The following TENM3 variants were observed in gnomAD, a reference collection of about 807,000 sequenced individuals.
The protein encoded by TENM3 is teneurin transmembrane protein 3, also known as teneurin-3.
In TENM3, 63 loss-of-function variants were observed where a neutral mutation model predicts 255.1. That is an observed-to-expected ratio of 0.25 (90% confidence interval 0.20 to 0.30). The LOEUF is 0.30. TENM3 is among the 10% of genes least tolerant of loss of function. TENM3 has a pLI of 1.00. For missense variants in TENM3, 2,929 were observed against 3,461.1 expected (o/e 0.85, Z 3.86); for synonymous variants, 1,306 against 1,322.3 (o/e 0.99, Z 0.27).
chr4:182,093,682 G>A, the TENM3 span, among the ~76,000 whole-genome samples: 7 of 152,086 alleles, frequency 4.6e-5, no homozygotes, highest in Non-Finnish European at 1.0e-4. Context: ...AGTACCAGGT[G>A]AGTGCAAGAG....
chr4:181,493,970 A>T, the TENM3 span, among the ~76,000 whole-genome samples: 309 of 152,262 alleles, frequency 2.0e-3, no homozygotes, highest in African/African-American at 6.8e-3. Flanking sequence ...GCAGTATCAT[A>T]TAGGGCTAGG....
intron 3 of TENM3, among the ~76,000 whole-genome samples, chr4:182,361,125 C>T (rs1356309408): frequency 6.6e-6 from 1 of 152,092 alleles, no homozygotes; most frequent in Non-Finnish European, 1.5e-5. Flanking sequence ...TTGTGGGTAA[C>T]CCGACCTTTC....
the TENM3 span, among the ~76,000 whole-genome samples, chr4:181,608,660 A>G: frequency 2.6e-5 from 4 of 151,920 alleles, 1 homozygote; most frequent in South Asian, 4.2e-4. Context: ...GTAAATTAGC[A>G]GCATACAGAC....
At chr4:182,736,761 C>A (rs187739210) in intron 16 of TENM3, 47 bp from the exon 17 acceptor site, 1 of 1,537,516 alleles carries the variant, frequency 6.5e-7, no homozygotes, top group East Asian at 2.3e-5. Flanking sequence ...TTTATCTAAT[C>A]GTCATACGTG....
the TENM3 span, among the ~76,000 whole-genome samples, chr4:181,997,309 G>C: frequency 6.6e-6 from 1 of 152,118 alleles, no homozygotes; most frequent in Non-Finnish European, 1.5e-5. Flanking sequence ...TAAGCCTGAG[G>C]CTGCCTGCGC....
Position 182,720,462 on chromosome 4 carries a change from G to T in TENM3, c.2368+6229G>T, listed in dbSNP as rs374686752. Among the ~76,000 whole-genome samples, 31 of 152,060 alleles carry T rather than the reference G, an allele frequency of 2.0e-4. 1 individual carries two copies. The East Asian group carries it at 2.5e-3, about 12-fold the overall frequency. On this transcript the variant is annotated intron_variant, in intron 13 of 27. Transcript: ENST00000511685. ...GCTTACAGTCTCAGAGCATTACCCT[G>T]TATTATTCAGGTAGATGATGGTTTG...
the TENM3 span, among the ~76,000 whole-genome samples, chr4:181,874,111 G>T: frequency 7.2e-5 from 11 of 151,816 alleles, no homozygotes; most frequent in Admixed American, 5.3e-4. Context: ...TAGAGATAGG[G>T]TTTCACCATG....
chr4:181,686,981 T>TA, the TENM3 span, among the ~76,000 whole-genome samples: 1 of 152,170 alleles, frequency 6.6e-6, no homozygotes, highest in Non-Finnish European at 1.5e-5. Flanking sequence ...TTGCTTTCTA[T>TA]AAAAAAGTGA....
Position 182,731,005 on chromosome 4 carries a change from A to G in TENM3, c.2833A>G (p.Lys945Glu), listed in dbSNP as rs1293608441. Reference sequence around the variant, plus strand: ...TTATGTGATGGATACCCTAGTCATGAAGAAAGAAGAGAATGACATTCCCAG... The same window carrying G: ...TTATGTGATGGATACCCTAGTCATGGAGAAAGAAGAGAATGACATTCCCAG... ...VFYVMDTLVMKKEENDIPSCD... is the reference protein window; with the variant it reads ...VFYVMDTLVMEKEENDIPSCD... Residue 945 changes from lysine (K) to glutamate (E), a missense_variant, in exon 16 of 28, where the codon AAG becomes GAG. Lys to Glu is a moderately conservative substitution (Grantham distance 56). Coordinates refer to ENST00000511685, the MANE Select transcript of TENM3 (RefSeq NM_001080477.4). 6.2e-7 allele frequency: 1 copy of G among 1,613,922 alleles called. No individual in the cohort carries two copies. The highest frequency in any genetic ancestry group is 8.5e-7 in the Non-Finnish European group (1 of 1,179,862).
At chr4:181,539,114 A>G in the TENM3 span, among the ~76,000 whole-genome samples, 19 of 152,336 alleles carry the variant, frequency 1.2e-4, no homozygotes, top group South Asian at 2.1e-4. Context: ...TTCAATGTTC[A>G]TGACTTGCTC....
At chr4:182,747,223 C>G (rs541163972) in intron 19 of TENM3, among the ~76,000 whole-genome samples, 2 of 152,238 alleles carry the variant, frequency 1.3e-5, no homozygotes, top group South Asian at 4.1e-4. Flanking sequence ...TTATCCTCTT[C>G]TATATTTCAT....
At chr4:182,031,203 T>G in the TENM3 span, among the ~76,000 whole-genome samples, 2 of 152,238 alleles carry the variant, frequency 1.3e-5, no homozygotes, top group Admixed American at 1.3e-4. Context: ...CATTTAAGTC[T>G]TTAATGCATC....
rs542843843 is a variant in TENM3, at chr4:182,612,163, A to C, written c.749+11002A>C. Among the ~76,000 whole-genome samples, 10 of 151,470 alleles carry C rather than the reference A, an allele frequency of 6.6e-5. No homozygotes were observed. In the East Asian group the frequency reaches 1.8e-3, roughly 27 times the overall value. On this transcript the variant is annotated intron_variant, in intron 4 of 27. Coordinates refer to ENST00000511685, the MANE Select transcript of TENM3 (RefSeq NM_001080477.4). The stretch of plus-strand genomic sequence containing the variant: ...GGCGGATGCCTGTAATCTGAGCTAC[A>C]GGGGAGGCTGAGGCAGGGGAATCAC...
At chr4:182,075,200 C>CTT in the TENM3 span, among the ~76,000 whole-genome samples, 29 of 128,194 alleles carry the variant, frequency 2.3e-4, 1 homozygote, top group African/African-American at 6.3e-4. Context: ...TGTTTTTTTT[C>CTT]TTTTTTTTTT....
the TENM3 span, among the ~76,000 whole-genome samples, chr4:182,042,711 T>G: frequency 6.6e-6 from 1 of 152,194 alleles, no homozygotes; most frequent in Non-Finnish European, 1.5e-5. Flanking sequence ...TTGATGCTAT[T>G]CATTCAAAGA....
chr4:182,549,192 G>A (rs1741764108), intron 3 of TENM3, among the ~76,000 whole-genome samples: 3 of 152,222 alleles, frequency 2.0e-5, no homozygotes, highest in Admixed American at 6.5e-5. Context: ...ATGCTTGTGT[G>A]CATGCTGGTA....
At chr4:181,652,524 C>T in the TENM3 span, among the ~76,000 whole-genome samples, 4 of 152,162 alleles carry the variant, frequency 2.6e-5, no homozygotes, top group Admixed American at 2.6e-4. Flanking sequence ...AATGTTTTGC[C>T]ATATAGGAAG....
the TENM3 span, among the ~76,000 whole-genome samples, chr4:182,056,423 C>G: frequency 6.6e-6 from 1 of 152,158 alleles, no homozygotes; most frequent in Non-Finnish European, 1.5e-5. Context: ...CACATCTTCT[C>G]TCTTCAAAAG....
the TENM3 span, among the ~76,000 whole-genome samples, chr4:181,730,484 C>T: frequency 2.0e-5 from 3 of 152,190 alleles, no homozygotes; most frequent in South Asian, 6.2e-4. Flanking sequence ...ACTTTGTTCC[C>T]GTAACTTTGG....
Sources: gnomAD v4.1 joint callset for allele counts (sites outside exome capture counted in the v4.1 genomes callset) on GRCh38, gnomAD v4.1.1 for gene constraint, MANE v1.5 for transcripts, NCBI Gene and HGNC (gene_info 2026-07-23, HGNC 2026-07-21) for gene names.